Variants in GALNT17 observed in about 807,000 individuals in gnomAD.
GALNT17 encodes polypeptide N-acetylgalactosaminyltransferase 17, also known as UDP-GalNAc:polypeptide N-acetylgalactosaminyltransferase-like 3.
In GALNT17, 29 loss-of-function variants were observed where a neutral mutation model predicts 63.7. The ratio of observed to expected loss-of-function variants is 0.46; its 90% CI spans 0.34 to 0.62. GALNT17 has a LOEUF of 0.62. Ranked by LOEUF, GALNT17 falls within the 20% of genes least tolerant of loss-of-function variation. The probability of loss-of-function intolerance (pLI) is 0.01; values close to 1 mark genes in which losing one functional copy is unlikely to be tolerated. For synonymous variants in GALNT17, 305 were observed against 318.3 expected (o/e 0.96, Z 0.45); for missense variants, 603 against 799.6 (o/e 0.75, Z 2.97).
chr7:71,678,758 G>A (rs1791189830), intron 9 of GALNT17, among the ~76,000 whole-genome samples: 1 of 150,666 alleles, frequency 6.6e-6, no homozygotes, highest in South Asian at 2.1e-4. Flanking sequence ...TCGCAACACT[G>A]CACTCCAGCC....
At chr7:71,540,999 GA>G (rs1788881184) in intron 5 of GALNT17, among the ~76,000 whole-genome samples, 1 of 152,146 alleles carries the variant, frequency 6.6e-6, no homozygotes, top group African/African-American at 2.4e-5. Context: ...AGCACTTTGG[GA>G]GGTCGAGGTG....
chr7:71,141,094 C>A (rs915499052), intron 1 of GALNT17, among the ~76,000 whole-genome samples: 1 of 151,294 alleles, frequency 6.6e-6, no homozygotes, highest in Non-Finnish European at 1.5e-5. Flanking sequence ...CAGGGCCAGG[C>A]GTGGTGACTC....
intron 5 of GALNT17, among the ~76,000 whole-genome samples, chr7:71,503,804 C>T (rs571200890): frequency 6.6e-6 from 1 of 152,034 alleles, no homozygotes; most frequent in African/African-American, 2.4e-5. Flanking sequence ...TACATAAATA[C>T]GTTAATAAGG....
At chr7:71,490,264 A>T (rs1176073486) in intron 5 of GALNT17, among the ~76,000 whole-genome samples, 1 of 151,848 alleles carries the variant, frequency 6.6e-6, no homozygotes, top group East Asian at 1.9e-4. Flanking sequence ...CTCAAAAAAA[A>T]AAAAAAGAAG....
chr7:71,567,380 C>T (rs1789366756), intron 5 of GALNT17, among the ~76,000 whole-genome samples: 2 of 152,236 alleles, frequency 1.3e-5, no homozygotes, highest in Non-Finnish European at 1.5e-5. Flanking sequence ...AGGCGCATTA[C>T]TTATTGAGCT....
intron 5 of GALNT17, among the ~76,000 whole-genome samples, chr7:71,556,718 C>T (rs1233993732): frequency 6.6e-6 from 1 of 151,848 alleles, no homozygotes; most frequent in Non-Finnish European, 1.5e-5. Flanking sequence ...AGCCACCACA[C>T]CCAGCTATTT....
intron 1 of GALNT17, among the ~76,000 whole-genome samples, chr7:71,218,165 G>A (rs765492771): frequency 3.9e-5 from 6 of 152,252 alleles, no homozygotes; most frequent in South Asian, 2.1e-4. Flanking sequence ...AGGCCGAGGC[G>A]GATGGATCAC....
chr7:71,280,761 G>C (rs1790765790), intron 1 of GALNT17, among the ~76,000 whole-genome samples: 1 of 152,124 alleles, frequency 6.6e-6, no homozygotes, highest in Admixed American at 6.5e-5. Flanking sequence ...AGTTCCCTTA[G>C]AGATGTCCTA....
At chr7:71,388,184 T>G in intron 2 of GALNT17, 51 bp from the exon 3 acceptor site, 283 of 1,569,894 alleles carry the variant, frequency 1.8e-4, no homozygotes, top group Middle Eastern at 3.4e-4. Flanking sequence ...CTGCAGTGCC[T>G]GAGCTTTTAT....
At chr7:71,584,730 T>C (rs2116905811) in intron 6 of GALNT17, among the ~76,000 whole-genome samples, 1 of 152,316 alleles carries the variant, frequency 6.6e-6, no homozygotes, top group Non-Finnish European at 1.5e-5. Flanking sequence ...AAAGTATCTT[T>C]CAATCTGCAA....
At chr7:71,140,710 A>G (rs1787872282) in intron 1 of GALNT17, among the ~76,000 whole-genome samples, 1 of 152,164 alleles carries the variant, frequency 6.6e-6, no homozygotes, top group Non-Finnish European at 1.5e-5. Flanking sequence ...CGATTAGATG[A>G]CCTGCGAGTC....
At chr7:71,231,747 A>AGG (rs1208848636) in intron 1 of GALNT17, among the ~76,000 whole-genome samples, 76 of 149,644 alleles carry the variant, frequency 5.1e-4, no homozygotes, top group African/African-American at 1.8e-3. Context: ...AGGGAGGGAG[A>AGG]GGGAGAGAGA....
At chr7:71,462,291 T>C (rs984697072) in intron 5 of GALNT17, among the ~76,000 whole-genome samples, 7 of 152,194 alleles carry the variant, frequency 4.6e-5, no homozygotes, top group East Asian at 1.9e-4. Context: ...CTGACACTTA[T>C]TAAAATACTA....
At chr7:71,278,079 G>A (rs1041100141) in intron 1 of GALNT17, among the ~76,000 whole-genome samples, 14 of 152,288 alleles carry the variant, frequency 9.2e-5, no homozygotes, top group African/African-American at 3.4e-4. Context: ...AGGAGAGGGT[G>A]GGATGGGGGA....
At chr7:71,422,179 G>C (rs1786678373) in intron 5 of GALNT17, among the ~76,000 whole-genome samples, 1 of 152,064 alleles carries the variant, frequency 6.6e-6, no homozygotes, top group South Asian at 2.1e-4. Flanking sequence ...TCCTTCTGGG[G>C]GCTCTTGGGA....
chr7:71,154,119 C>T (rs889959738), intron 1 of GALNT17, among the ~76,000 whole-genome samples: 8 of 152,046 alleles, frequency 5.3e-5, no homozygotes, highest in African/African-American at 1.9e-4. Flanking sequence ...GAGGGAGCCT[C>T]TGCCTGAGGG....
At chr7:71,657,579 G>A (rs1438158394) in intron 6 of GALNT17, among the ~76,000 whole-genome samples, 2 of 152,114 alleles carry the variant, frequency 1.3e-5, no homozygotes, top group African/African-American at 2.4e-5. Flanking sequence ...GCTCTTCCGG[G>A]GTCCCTGAAG....
chr7:71,208,732 G>A (rs1378467921), intron 1 of GALNT17, among the ~76,000 whole-genome samples: 1 of 151,960 alleles, frequency 6.6e-6, no homozygotes, highest in Non-Finnish European at 1.5e-5. Context: ...GACTACAGGC[G>A]AGAGCCACTA....
chr7:71,259,425 G>T (rs773813865), intron 1 of GALNT17, among the ~76,000 whole-genome samples: 1 of 152,106 alleles, frequency 6.6e-6, no homozygotes, highest in African/African-American at 2.4e-5. Context: ...TAGAGAAGTC[G>T]TATCAATTGC....
Sources: gnomAD v4.1 joint callset for allele counts (sites outside exome capture counted in the v4.1 genomes callset) on GRCh38, gnomAD v4.1.1 for gene constraint, MANE v1.5 for transcripts, NCBI Gene and HGNC (gene_info 2026-07-23, HGNC 2026-07-21) for gene names.